Variants in STON2 observed in about 807,000 individuals in gnomAD.
STON2 encodes stonin 2.
In STON2, 29 loss-of-function variants were observed where a neutral mutation model predicts 65.7. The observed-to-expected ratio is 0.44, with a 90% CI of 0.33 to 0.60. The LOEUF is 0.60. Ranked by LOEUF, STON2 falls within the 20% of genes least tolerant of loss-of-function variation. The pLI is 0.03. For synonymous variants in STON2, 404 were observed against 414.2 expected (o/e 0.98, Z 0.30); for missense variants, 1,054 against 1,118.1 (o/e 0.94, Z 0.82).
intron 4 of STON2, among the ~76,000 whole-genome samples, chr14:81,340,103 C>G (rs540770868): frequency 1.1e-3 from 173 of 152,266 alleles, no homozygotes; most frequent in Non-Finnish European, 1.9e-3. Context: ...GCAGTAAGCC[C>G]AGATCGCGCC....
intron 7 of STON2, among the ~76,000 whole-genome samples, chr14:81,268,875 C>A (rs1347495095): frequency 1.3e-5 from 2 of 152,162 alleles, no homozygotes; most frequent in Non-Finnish European, 2.9e-5. Flanking sequence ...ATGGGCTCCA[C>A]AAGACATGGG....
In STON2 at chr14:81,262,755, C is replaced by T; in HGVS notation, c.*5659G>A. 1.0e-6 allele frequency: 1 copy of T among 985,376 alleles called. No homozygotes were observed. The highest frequency in any genetic ancestry group is 1.2e-6 in the Non-Finnish European group (1 of 829,900). 61.0% of individuals were successfully genotyped at this position (985,376 alleles called of 1,614,324 possible). Reference sequence around the variant, plus strand: ...ACTCTTTCCAGCAGATTTGCTAAGGCACACTAGAAGAAATGTAAAAATCTC... The same window carrying T: ...ACTCTTTCCAGCAGATTTGCTAAGGTACACTAGAAGAAATGTAAAAATCTC... On this transcript the variant is annotated 3_prime_UTR_variant, in exon 8 of 8. Transcript: ENST00000614646.
intron 5 of STON2, among the ~76,000 whole-genome samples, chr14:81,321,907 C>T (rs1896834237): frequency 1.3e-5 from 2 of 152,150 alleles, no homozygotes; most frequent in South Asian, 4.1e-4. Flanking sequence ...GATCAAGGCC[C>T]TTTGATTTGG....
intron 6 of STON2, among the ~76,000 whole-genome samples, chr14:81,273,717 G>A (rs567302219): frequency 1.3e-5 from 2 of 152,278 alleles, no homozygotes; most frequent in Non-Finnish European, 2.9e-5. Context: ...GGACAAGCCT[G>A]CTATAGGCTA....
chr14:81,432,882 T>C (rs939905274), intron 1 of STON2, among the ~76,000 whole-genome samples: 7 of 152,250 alleles, frequency 4.6e-5, no homozygotes, highest in South Asian at 4.1e-4. Flanking sequence ...CCTCCTTCCA[T>C]TGGACTCTTC....
chr14:81,377,059 T>C (rs1181119428), intron 3 of STON2, among the ~76,000 whole-genome samples: 1 of 152,178 alleles, frequency 6.6e-6, no homozygotes, highest in Non-Finnish European at 1.5e-5. Context: ...TATCAATGTG[T>C]AGGTACATGT....
At chr14:81,275,711 T>C (rs1239912539) in intron 6 of STON2, among the ~76,000 whole-genome samples, 1 of 152,194 alleles carries the variant, frequency 6.6e-6, no homozygotes, top group East Asian at 1.9e-4. Context: ...TCAGTTTGCA[T>C]AGCTACACCC....
intron 5 of STON2, among the ~76,000 whole-genome samples, chr14:81,307,428 T>A (rs1349281014): frequency 6.6e-6 from 1 of 152,226 alleles, no homozygotes; most frequent in Non-Finnish European, 1.5e-5. Flanking sequence ...TTATTTTCTT[T>A]TTAAAAAAGG....
Position 81,268,373 on chromosome 14 carries a change from A to C in STON2, c.*41T>G, listed in dbSNP as rs1445497845. 3.9e-6 allele frequency: 5 copies of C among 1,288,860 alleles called. No individual in the cohort carries two copies. In the East Asian group the frequency reaches 2.8e-4, roughly 72 times the overall value. 79.8% of individuals were successfully genotyped at this position (1,288,860 alleles called of 1,614,324 possible). On this transcript the variant is annotated 3_prime_UTR_variant, in exon 8 of 8. Coordinates refer to ENST00000614646, the MANE Select transcript of STON2 (RefSeq NM_001394390.1). ...CTATCATGACTCAGGAAGACACCCTATCATGACTCTGGGATCAGGATTCCT... is the reference window on the plus strand; with the variant it reads ...CTATCATGACTCAGGAAGACACCCTCTCATGACTCTGGGATCAGGATTCCT...
chr14:81,414,759 G>A (rs754620117), intron 2 of STON2, among the ~76,000 whole-genome samples: 23 of 152,062 alleles, frequency 1.5e-4, no homozygotes, highest in Admixed American at 3.9e-4. Context: ...TCCTGACACC[G>A]CAGCCCATTT....
intron 5 of STON2, among the ~76,000 whole-genome samples, chr14:81,318,443 T>C (rs1227154901): frequency 6.6e-6 from 1 of 152,114 alleles, no homozygotes; most frequent in African/African-American, 2.4e-5. Context: ...AAAATGCAAC[T>C]CCCTCTTCAT....
intron 5 of STON2, among the ~76,000 whole-genome samples, chr14:81,312,300 G>A (rs6574644): frequency 0.79 from 119,676 of 152,024 alleles, 47,255 homozygotes; most frequent in African/African-American, 0.8. Flanking sequence ...TAACTATGCA[G>A]AGAAAGCCTG....
intron 3 of STON2, among the ~76,000 whole-genome samples, chr14:81,374,455 A>G (rs1355269656): frequency 6.6e-6 from 1 of 152,196 alleles, no homozygotes; most frequent in Non-Finnish European, 1.5e-5. Flanking sequence ...TCAAGTTACC[A>G]TGAACAAGAA....
At chr14:81,431,359 C>T (rs1237871446) in intron 1 of STON2, among the ~76,000 whole-genome samples, 7 of 152,094 alleles carry the variant, frequency 4.6e-5, no homozygotes, top group African/African-American at 1.2e-4. Flanking sequence ...TATAGAAGGC[C>T]GGATGCAGTG....
intron 5 of STON2, among the ~76,000 whole-genome samples, chr14:81,283,105 T>G (rs1895189455): frequency 6.6e-6 from 1 of 152,218 alleles, no homozygotes; most frequent in Non-Finnish European, 1.5e-5. Context: ...GTTCTCAGTC[T>G]ACACCACAGG....
intron 4 of STON2, among the ~76,000 whole-genome samples, chr14:81,346,773 A>C (rs983191911): frequency 6.6e-6 from 1 of 152,204 alleles, no homozygotes; most frequent in Admixed American, 6.5e-5. Flanking sequence ...AATTAGAGAA[A>C]CATTGGAAAC....
At chr14:81,346,761 ATAAT>A (rs1284784663) in intron 4 of STON2, among the ~76,000 whole-genome samples, 1 of 152,216 alleles carries the variant, frequency 6.6e-6, no homozygotes, top group African/African-American at 2.4e-5. Flanking sequence ...CTAGAAATAA[ATAAT>A]TAGAGAAACA....
upstream of STON2, among the ~76,000 whole-genome samples, chr14:81,401,165 A>G (rs1900594528): frequency 6.6e-6 from 1 of 152,234 alleles, no homozygotes; most frequent in South Asian, 2.1e-4. Flanking sequence ...GGTTTCAGTC[A>G]TTGTTCAAAA....
In STON2 at chr14:81,262,824, ATACATTTGTTTTC is replaced by A; in HGVS notation, c.*5577_*5589del. The A allele has an allele frequency of 1.0e-6, 1 of 985,312 alleles. No individual in the cohort carries two copies. The highest frequency in any genetic ancestry group is 1.2e-6 in the Non-Finnish European group (1 of 829,788). 61.0% of individuals were successfully genotyped at this position (985,312 alleles called of 1,614,324 possible). A position where few individuals can be genotyped will look rare whatever the true frequency, so the allele number is the denominator to read the frequency against. ...ATACATGGGAGAATATTACTAATAC[ATACATTTGTTTTC>A]TACATTTGTGGTTGCCTTATACATC... On this transcript the variant is annotated 3_prime_UTR_variant, in exon 8 of 8. Transcript: ENST00000614646.
Sources: allele counts gnomAD v4.1 joint callset (sites outside exome capture counted in the v4.1 genomes callset), GRCh38; gene constraint gnomAD v4.1.1; transcripts MANE v1.5; gene names NCBI Gene and HGNC (gene_info 2026-07-23, HGNC 2026-07-21).